Variants in NMNAT3 observed in about 807,000 individuals in gnomAD.
The protein encoded by NMNAT3 is nicotinamide/nicotinic acid mononucleotide adenylyltransferase 3.
NMNAT3 carries 21 observed loss-of-function variants against 24.8 expected under a neutral mutation model. The observed-to-expected ratio is 0.85, with a 90% CI of 0.60 to 1.22. The LOEUF (loss-of-function observed/expected upper bound fraction) is 1.22, where lower values mean the gene tolerates loss of function less well. NMNAT3 is among the 50% of genes most tolerant of loss of function. NMNAT3 has a pLI of 0.00. For synonymous variants in NMNAT3, 136 were observed against 155.2 expected (o/e 0.88, Z 0.92); for missense variants, 387 against 436.6 (o/e 0.89, Z 1.01).
intron 3 of NMNAT3, among the ~76,000 whole-genome samples, chr3:139,595,329 A>G (rs911440636): frequency 3.9e-5 from 6 of 152,222 alleles, no homozygotes; most frequent in Non-Finnish European, 8.8e-5. Context: ...AACAAATGGA[A>G]GAACATTCCA....
intron 5 of NMNAT3, chr3:139,577,750 A>C (rs1939554768): frequency 6.6e-6 from 1 of 152,232 alleles, no homozygotes; most frequent in African/African-American, 2.4e-5. Context: ...CATGTGTCAT[A>C]ACAATTATTT....
At chr3:139,591,989 GAGA>G (rs1472596387) in intron 3 of NMNAT3, among the ~76,000 whole-genome samples, 1 of 152,208 alleles carries the variant, frequency 6.6e-6, no homozygotes, top group Non-Finnish European at 1.5e-5. Context: ...GACGAGCTGA[GAGA>G]AGAAGGCTTC....
chr3:139,658,894 C>T (rs1446805543), intron 1 of NMNAT3, among the ~76,000 whole-genome samples: 1 of 152,140 alleles, frequency 6.6e-6, no homozygotes, highest in Non-Finnish European at 1.5e-5. Context: ...TCTCCCTTAC[C>T]CTGAACGTCC....
chr3:139,586,877 G>T (rs1308706043), intron 3 of NMNAT3, among the ~76,000 whole-genome samples: 1 of 152,170 alleles, frequency 6.6e-6, no homozygotes, highest in Non-Finnish European at 1.5e-5. Flanking sequence ...ATGGGCAGAA[G>T]GGCAGAGAAA....
At chr3:139,563,739 G>A (rs295509) in intron 6 of NMNAT3, among the ~76,000 whole-genome samples, 50,470 of 152,042 alleles carry the variant, frequency 0.33, 10,065 homozygotes, top group South Asian at 0.61. Context: ...GCTCACAAAC[G>A]CATTCACACA....
At chr3:139,575,430 C>T (rs10935335) in intron 5 of NMNAT3, among the ~76,000 whole-genome samples, 4,491 of 152,186 alleles carry the variant, frequency 0.03, 101 homozygotes, top group Non-Finnish European at 0.047. Flanking sequence ...AAGTATTTTA[C>T]AACCCTTTCT....
Position 139,657,417 on chromosome 3 carries a change from G to T in NMNAT3, c.-140-19355C>A, listed in dbSNP as rs140088921. Among the ~76,000 whole-genome samples, 4 of 152,248 alleles carry T rather than the reference G, an allele frequency of 2.6e-5. No homozygotes were observed. The East Asian group carries it at 7.7e-4, about 29-fold the overall frequency. ...AAAGGAAGGAAAAACAGGTTAGTGC[G>T]CAGGTGTCAGAAATTACTCTTTCTT... is the stretch of plus-strand genomic sequence containing the variant. On this transcript the variant is annotated intron_variant, in intron 1 of 6. Coordinates refer to ENST00000643695, the MANE Select transcript of NMNAT3 (RefSeq NM_001320510.2).
chr3:139,603,424 T>C (rs1213207724), intron 3 of NMNAT3, among the ~76,000 whole-genome samples: 1 of 152,200 alleles, frequency 6.6e-6, no homozygotes, highest in African/African-American at 2.4e-5. Flanking sequence ...ATATGAGATA[T>C]TTGGGGGCAT....
chr3:139,578,308 T>C (rs1321401529), intron 5 of NMNAT3, among the ~76,000 whole-genome samples: 4 of 152,206 alleles, frequency 2.6e-5, no homozygotes, highest in African/African-American at 9.7e-5. Context: ...TTTCTAGATT[T>C]ATAGTCTTTT....
At chr3:139,616,941 TC>T (rs1219869134) in intron 3 of NMNAT3, among the ~76,000 whole-genome samples, 1 of 152,216 alleles carries the variant, frequency 6.6e-6, no homozygotes, top group East Asian at 1.9e-4. Context: ...GCTCTGTGCC[TC>T]CTGGTCACTC....
At chr3:139,623,474 A>T (rs896360582) in intron 3 of NMNAT3, among the ~76,000 whole-genome samples, 1 of 152,212 alleles carries the variant, frequency 6.6e-6, no homozygotes. Flanking sequence ...AGACTCTAAA[A>T]TAAGGATAAA....
intron 3 of NMNAT3, among the ~76,000 whole-genome samples, chr3:139,597,130 T>C (rs2054521831): frequency 6.6e-6 from 1 of 151,818 alleles, no homozygotes; most frequent in Admixed American, 6.6e-5. Context: ...TAATGAAAAC[T>C]GAATCTCCTT....
intron 2 of NMNAT3, among the ~76,000 whole-genome samples, chr3:139,630,885 T>G (rs1029434197): frequency 4.1e-5 from 6 of 148,052 alleles, no homozygotes; most frequent in Non-Finnish European, 9.0e-5. Flanking sequence ...AAGGTGGCTG[T>G]TTTTTTTTTA....
chr3:139,582,265 T>G (rs1214734020), intron 4 of NMNAT3, among the ~76,000 whole-genome samples: 9 of 151,052 alleles, frequency 6.0e-5, no homozygotes, highest in Non-Finnish European at 1.2e-4. Flanking sequence ...ATCTAACTTC[T>G]TAGTAAATGT....
chr3:139,652,590 C>A (rs575474232), intron 1 of NMNAT3, among the ~76,000 whole-genome samples: 4 of 152,298 alleles, frequency 2.6e-5, no homozygotes, highest in Admixed American at 1.3e-4. Context: ...TGGGGGGCAA[C>A]AGCACTTCTC....
chr3:139,606,171 T>A (rs1016215525), intron 3 of NMNAT3, among the ~76,000 whole-genome samples: 1 of 152,180 alleles, frequency 6.6e-6, no homozygotes, highest in Non-Finnish European at 1.5e-5. Context: ...TCATTTCTAT[T>A]TCCCTATTGT....
chr3:139,637,291 GA>G (rs543631317), intron 2 of NMNAT3: 111 of 152,292 alleles, frequency 7.3e-4, no homozygotes, highest in African/African-American at 2.6e-3. Flanking sequence ...CATGACTCAA[GA>G]TGATAGACCA....
chr3:139,645,308 A>C (rs1247907959), intron 1 of NMNAT3, among the ~76,000 whole-genome samples: 2 of 152,202 alleles, frequency 1.3e-5, no homozygotes, highest in East Asian at 3.9e-4. Context: ...GAGAGTCTAG[A>C]TACTGATTAA....
chr3:139,675,218 C>T (rs2057892463), intron 1 of NMNAT3, among the ~76,000 whole-genome samples: 1 of 151,382 alleles, frequency 6.6e-6, no homozygotes, highest in African/African-American at 2.4e-5. Flanking sequence ...TTTATTTGTT[C>T]ATTACTGATT....
Sources: allele counts gnomAD v4.1 joint callset (sites outside exome capture counted in the v4.1 genomes callset), GRCh38; gene constraint gnomAD v4.1.1; transcripts MANE v1.5; gene names NCBI Gene and HGNC (gene_info 2026-07-23, HGNC 2026-07-21).